PCDH7: variants seen among roughly 807,000 people sequenced by gnomAD.
PCDH7 encodes the protein protocadherin 7, also known as protocadherin-7.
PCDH7 carries 17 observed loss-of-function variants against 58.9 expected under a neutral mutation model. The observed-to-expected ratio is 0.29, with a 90% confidence interval of 0.20 to 0.43. The LOEUF is 0.43. Ranked by LOEUF, PCDH7 falls within the 20% of genes least tolerant of loss-of-function variation. PCDH7 has a pLI of 1.00. For synonymous variants in PCDH7, 664 were observed against 616.4 expected, an observed-to-expected ratio of 1.08 and a Z score of -1.14; for missense variants, 1,274 against 1,441.0, an observed-to-expected ratio of 0.88 and a Z score of 1.88.
chr4:30,773,979 G>A (rs1195530088), intron 1 of PCDH7, among the ~76,000 whole-genome samples: 1 of 152,174 alleles, frequency 6.6e-6, no homozygotes, highest in Admixed American at 6.5e-5. Flanking sequence ...ACTGGAAGTA[G>A]CACCTGAGAT....
chr4:30,804,585 T>G (rs563294096), intron 1 of PCDH7, among the ~76,000 whole-genome samples: 1 of 151,822 alleles, frequency 6.6e-6, no homozygotes, highest in Non-Finnish European at 1.5e-5. Flanking sequence ...GAAATGAGTT[T>G]AAGTTTTATT....
intron 3 of PCDH7, among the ~76,000 whole-genome samples, chr4:31,099,369 A>G (rs893006528): frequency 5.3e-5 from 8 of 152,198 alleles, no homozygotes; most frequent in African/African-American, 2.4e-5. Context: ...TGCTCTGGCT[A>G]TAGGCAGATC....
intron 1 of PCDH7, among the ~76,000 whole-genome samples, chr4:30,730,133 A>G (rs1020421597): frequency 2.0e-5 from 3 of 151,544 alleles, no homozygotes; most frequent in Non-Finnish European, 4.4e-5. Flanking sequence ...TATATATATA[A>G]CTTTAAATAT....
At chr4:30,824,135 CT>C (rs1728787126) in intron 1 of PCDH7, among the ~76,000 whole-genome samples, 1 of 143,480 alleles carries the variant, frequency 7.0e-6, no homozygotes, top group Non-Finnish European at 1.5e-5. Flanking sequence ...TTCTTTCTTT[CT>C]TTCTTTCTTT....
chr4:30,954,748 A>G (rs1747681407), intron 3 of PCDH7, among the ~76,000 whole-genome samples: 1 of 152,192 alleles, frequency 6.6e-6, no homozygotes, highest in Admixed American at 6.5e-5. Flanking sequence ...GGACTAGTTC[A>G]TTTTTAAAGT....
intron 1 of PCDH7, among the ~76,000 whole-genome samples, chr4:30,846,230 T>C (rs575855087): frequency 1.3e-5 from 2 of 152,204 alleles, no homozygotes; most frequent in African/African-American, 4.8e-5. Flanking sequence ...ACAGTGTTGA[T>C]AGTTGAGGCC....
At chr4:30,946,360 G>A (rs1361091275) in intron 2 of PCDH7, among the ~76,000 whole-genome samples, 1 of 151,976 alleles carries the variant, frequency 6.6e-6, no homozygotes, top group African/African-American at 2.4e-5. Flanking sequence ...TGTTTAATAT[G>A]TCTCTCCTAC....
rs147986984 is a variant in PCDH7, at chr4:31,123,666, A to G, written c.*8-18807A>G. Among the ~76,000 whole-genome samples, 354 of 152,304 alleles carry G rather than the reference A, an allele frequency of 2.3e-3. 1 individual carries two copies. The highest frequency in any genetic ancestry group is 3.7e-3 in the Non-Finnish European group (253 of 68,038). ...TAAGTGTTAAACAGCTCAGTGAAGA[A>G]TCAGTGTCACAGCCTTTTTGGATTC... On this transcript the variant is annotated intron_variant, in intron 3 of 3. Coordinates refer to the PCDH7 transcript ENST00000509759.
At chr4:30,892,980 GTT>G (rs1290569195) in intron 1 of PCDH7, among the ~76,000 whole-genome samples, 1 of 151,990 alleles carries the variant, frequency 6.6e-6, no homozygotes, top group African/African-American at 2.4e-5. Context: ...TTCCACAACT[GTT>G]TACTCCAAAC....
chr4:30,902,452 T>C (rs766819615), intron 1 of PCDH7, among the ~76,000 whole-genome samples: 5 of 152,144 alleles, frequency 3.3e-5, no homozygotes, highest in Admixed American at 6.5e-5. Flanking sequence ...TCCCCCAGAA[T>C]GAGTTAGCTT....
rs531474668 is a variant in PCDH7, at chr4:31,128,926, A to T, written c.*8-13547A>T. Reference sequence around the variant, plus strand: ...AGTTCATTCAGATCAGCAAATACCAAACAAAAAAGCAAAAGCCACATTGCT... The same window carrying T: ...AGTTCATTCAGATCAGCAAATACCATACAAAAAAGCAAAAGCCACATTGCT... On this transcript the variant is annotated intron_variant, in intron 3 of 3. Transcript: ENST00000509759. 5.3e-5 allele frequency among the ~76,000 whole-genome samples: 8 copies of T among 152,320 alleles called. No individual in the cohort carries two copies. The East Asian group carries it at 1.5e-3, about 29-fold the overall frequency.
chr4:30,727,738 C>T (rs569457554), intron 1 of PCDH7, among the ~76,000 whole-genome samples: 10 of 151,900 alleles, frequency 6.6e-5, no homozygotes, highest in African/African-American at 2.2e-4. Context: ...TAAAGGCATA[C>T]GCATTCTATT....
At chr4:30,785,782 T>C (rs757094531) in intron 1 of PCDH7, among the ~76,000 whole-genome samples, 13 of 152,062 alleles carry the variant, frequency 8.5e-5, no homozygotes, top group Admixed American at 2.6e-4. Flanking sequence ...AAGTGGAATA[T>C]TTCTCTTCTC....
In PCDH7 at chr4:30,723,714, T is replaced by C. The variant is rs764903497; in HGVS notation, c.2292T>C (p.Ala764=). 11 of 1,614,152 alleles carry C rather than the reference T, an allele frequency of 6.8e-6. 1 individual carries two copies. The South Asian group carries it at 1.2e-4, about 18-fold the overall frequency. The stretch of plus-strand genomic sequence containing the variant: ...CGAGTAATGTCAGGACAGTAGTAGC[T>C]ACAGTGTTGGCAACAGACAGTGATG... Residue 764 remains alanine (A), a synonymous_variant, in exon 1 of 2, where the codon GCT becomes GCC. Transcript: ENST00000361762. The surrounding 1 kb of genome is among the most constrained non-coding windows in gnomAD (Gnocchi z 4.6).
chr4:30,933,029 CTTTCT>C (rs1244566715), intron 2 of PCDH7, among the ~76,000 whole-genome samples: 9 of 81,388 alleles, frequency 1.1e-4, no homozygotes, highest in Admixed American at 3.9e-4. Context: ...TTCTTTCTTT[CTTTCT>C]TTTTTTTTTT....
intron 3 of PCDH7, among the ~76,000 whole-genome samples, chr4:31,079,468 G>T (rs1385908481): frequency 6.7e-6 from 1 of 150,136 alleles, no homozygotes; most frequent in East Asian, 2.0e-4. Flanking sequence ...AACCAAGAAA[G>T]GTTGATTGGA....
At chr4:30,771,389 T>C (rs754267385) in intron 1 of PCDH7, among the ~76,000 whole-genome samples, 5 of 152,138 alleles carry the variant, frequency 3.3e-5, no homozygotes, top group African/African-American at 7.2e-5. Flanking sequence ...CATTCAGCAA[T>C]TTGGCTGTGC....
intron 1 of PCDH7, among the ~76,000 whole-genome samples, chr4:30,763,191 C>T (rs573835185): frequency 1.4e-4 from 22 of 152,144 alleles, no homozygotes; most frequent in Non-Finnish European, 2.5e-4. Context: ...CATTGCACTC[C>T]GGCCTGGGGA....
intron 3 of PCDH7, among the ~76,000 whole-genome samples, chr4:31,137,699 T>G (rs575436992): frequency 2.6e-5 from 4 of 152,280 alleles, no homozygotes. Flanking sequence ...AATGAACAAA[T>G]TGGAGGAATG....
Sources: gnomAD v4.1 joint callset for allele counts (sites outside exome capture counted in the v4.1 genomes callset) on GRCh38, gnomAD v4.1.1 for gene constraint, Gnocchi (gnomAD v3.1) non-coding constraint, MANE v1.5 for transcripts, NCBI Gene and HGNC (gene_info 2026-07-23, HGNC 2026-07-21) for gene names.